The following GALNT13 variants were observed in gnomAD, a reference collection of about 807,000 sequenced individuals.
The protein encoded by GALNT13 is UDP-GalNAc:polypeptide N-acetylgalactosaminyltransferase 13.
Under a neutral mutation model 64.2 loss-of-function variants are expected in GALNT13, and 28 were observed. The observed-to-expected ratio is 0.44, with a 90% CI of 0.32 to 0.60. The LOEUF (loss-of-function observed/expected upper bound fraction) is 0.60. Among genes scored for constraint, GALNT13 ranks in the 20% least tolerant of loss-of-function variants. The probability of loss-of-function intolerance (pLI) is 0.05; values close to 1 mark genes in which losing one functional copy is unlikely to be tolerated. For synonymous variants in GALNT13, 214 were observed against 224.6 expected (o/e 0.95, Z 0.42); for missense variants, 577 against 669.8 (o/e 0.86, Z 1.53).
At chr2:154,228,291 A>G (rs1688735838) in intron 4 of GALNT13, among the ~76,000 whole-genome samples, 1 of 152,156 alleles carries the variant, frequency 6.6e-6, no homozygotes, top group South Asian at 2.1e-4. Flanking sequence ...AGGGTTAATA[A>G]GCCCATTTTT....
At chr2:153,318,745 A>C in the GALNT13 span, among the ~76,000 whole-genome samples, 4 of 152,204 alleles carry the variant, frequency 2.6e-5, no homozygotes, top group Non-Finnish European at 5.9e-5. Flanking sequence ...AAGTATCTGC[A>C]CTAATATTAT....
the GALNT13 span, among the ~76,000 whole-genome samples, chr2:153,634,505 T>A: frequency 6.6e-6 from 1 of 151,486 alleles, no homozygotes; most frequent in African/African-American, 2.4e-5. Flanking sequence ...TGGTTCATTA[T>A]GATACTAACT....
the GALNT13 span, among the ~76,000 whole-genome samples, chr2:153,495,676 T>C: frequency 6.6e-6 from 1 of 152,256 alleles, no homozygotes; most frequent in Admixed American, 6.5e-5. Context: ...TTTTGTTTTG[T>C]AGATATAAAA....
intron 10 of GALNT13, among the ~76,000 whole-genome samples, chr2:154,399,643 G>T (rs776189028): frequency 7.2e-5 from 11 of 152,052 alleles, no homozygotes; most frequent in African/African-American, 2.7e-4. Context: ...TTGGGCCACT[G>T]GTCCTCTTGG....
intron 3 of GALNT13, among the ~76,000 whole-genome samples, chr2:153,993,435 C>A (rs1412223913): frequency 6.6e-6 from 1 of 151,964 alleles, no homozygotes; most frequent in Non-Finnish European, 1.5e-5. Context: ...GTGGCTCACA[C>A]CTGTAATCCC....
the GALNT13 span, among the ~76,000 whole-genome samples, chr2:153,466,313 T>A: frequency 6.6e-6 from 1 of 152,056 alleles, no homozygotes; most frequent in Non-Finnish European, 1.5e-5. Flanking sequence ...CCTGACTGTG[T>A]CAGTTCCTCA....
At chr2:154,341,773 C>T (rs1008351287) in intron 9 of GALNT13, among the ~76,000 whole-genome samples, 5 of 151,940 alleles carry the variant, frequency 3.3e-5, no homozygotes, top group Non-Finnish European at 7.4e-5. Flanking sequence ...ACTCTGAATC[C>T]TCTATGGAAA....
chr2:153,318,181 A>T, the GALNT13 span, among the ~76,000 whole-genome samples: 2 of 144,922 alleles, frequency 1.4e-5, no homozygotes, highest in Admixed American at 1.4e-4. Flanking sequence ...TTCATCTCCC[A>T]TTCTGCATAT....
the GALNT13 span, among the ~76,000 whole-genome samples, chr2:153,411,724 G>A: frequency 2.0e-5 from 3 of 152,256 alleles, no homozygotes; most frequent in Non-Finnish European, 4.4e-5. Flanking sequence ...GGTGTGATAC[G>A]TTTGCATATT....
At chr2:154,128,361 G>T (rs1177485998) in intron 3 of GALNT13, among the ~76,000 whole-genome samples, 1 of 151,872 alleles carries the variant, frequency 6.6e-6, no homozygotes, top group Non-Finnish European at 1.5e-5. Context: ...ATTTTTAATG[G>T]CATGCTTGCA....
intron 11 of GALNT13, among the ~76,000 whole-genome samples, chr2:154,413,379 G>C (rs1168395265): frequency 6.6e-6 from 1 of 151,838 alleles, no homozygotes; most frequent in Non-Finnish European, 1.5e-5. Flanking sequence ...CTTTGTTCTA[G>C]CCTATATCTA....
chr2:153,264,807 C>T, the GALNT13 span, among the ~76,000 whole-genome samples: 1 of 152,174 alleles, frequency 6.6e-6, no homozygotes, highest in East Asian at 1.9e-4. Flanking sequence ...TGTGGGGAGG[C>T]AGAGCATCAG....
At chr2:153,451,471 T>C in the GALNT13 span, among the ~76,000 whole-genome samples, 35 of 152,160 alleles carry the variant, frequency 2.3e-4, no homozygotes, top group Admixed American at 8.5e-4. Flanking sequence ...AATACTGCTC[T>C]CCCCCAAGTG....
At chr2:153,554,209 C>T in the GALNT13 span, among the ~76,000 whole-genome samples, 1 of 151,076 alleles carries the variant, frequency 6.6e-6, no homozygotes, top group Non-Finnish European at 1.5e-5. Context: ...TGCCTGTAGT[C>T]CCAGCTACTG....
the GALNT13 span, among the ~76,000 whole-genome samples, chr2:153,258,276 T>G: frequency 1.3e-5 from 2 of 152,284 alleles, no homozygotes; most frequent in South Asian, 2.1e-4. Flanking sequence ...TCGAGCTCAG[T>G]GGCTTCCCCC....
At chr2:153,478,803 G>C in the GALNT13 span, 13 of 459,254 alleles carry the variant, frequency 2.8e-5, no homozygotes, top group African/African-American at 2.1e-5. Context: ...CGTTCCCGGC[G>C]CTCGCTCGAG....
chr2:153,319,076 C>G, the GALNT13 span, among the ~76,000 whole-genome samples: 2 of 152,222 alleles, frequency 1.3e-5, no homozygotes, highest in South Asian at 4.2e-4. Context: ...ATATCACAGG[C>G]AGGATTTGAA....
At chr2:154,119,048 G>A (rs1416056383) in intron 3 of GALNT13, among the ~76,000 whole-genome samples, 2 of 152,030 alleles carry the variant, frequency 1.3e-5, no homozygotes, top group Non-Finnish European at 2.9e-5. Flanking sequence ...ATTAGGTTTT[G>A]TGCTTTTGTA....
At chr2:153,762,939 T>C in the GALNT13 span, among the ~76,000 whole-genome samples, 1 of 151,962 alleles carries the variant, frequency 6.6e-6, no homozygotes, top group Non-Finnish European at 1.5e-5. Context: ...AAGACTTGCA[T>C]AAAACATACT....
Sources: allele counts gnomAD v4.1 joint callset (sites outside exome capture counted in the v4.1 genomes callset), GRCh38; gene constraint gnomAD v4.1.1; transcripts MANE v1.5; gene names NCBI Gene and HGNC (gene_info 2026-07-23, HGNC 2026-07-21).